Variants in HELZ observed in about 807,000 individuals in gnomAD.
HELZ encodes the protein helicase with zinc finger, also known as ATP-dependent RNA helicase with zinc finger domain.
Under a neutral mutation model 218.2 loss-of-function variants are expected in HELZ, and 23 were observed. That is an observed-to-expected ratio of 0.11 (90% CI 0.08 to 0.15). The LOEUF (loss-of-function observed/expected upper bound fraction) is 0.15, where lower values mean the gene tolerates loss of function less well. HELZ is among the 10% of genes least tolerant of loss of function. The probability of loss-of-function intolerance (pLI) is 1.00; values close to 1 mark genes in which losing one functional copy is unlikely to be tolerated. For synonymous variants in HELZ, 814 were observed against 829.4 expected, an observed-to-expected ratio of 0.98 and a Z score of 0.32; for missense variants, 1,813 against 2,353.7, an observed-to-expected ratio of 0.77 and a Z score of 4.75.
chr17:67,078,669 G>A, intron 32 of HELZ, 83 bp from the exon 33 acceptor site: 5 of 985,698 alleles, frequency 5.1e-6, no homozygotes, highest in Non-Finnish European at 7.0e-6. Context: ...TGTCAGAACT[G>A]GCTCTCATCT....
intron 32 of HELZ, 36 bp downstream of exon 32, chr17:67,086,793 A>C: frequency 6.2e-7 from 1 of 1,607,606 alleles, no homozygotes; most frequent in African/African-American, 1.3e-5. Flanking sequence ...GGAGCTGAGG[A>C]GTACAGATTA....
In HELZ at chr17:67,108,952, A is replaced by G. The variant is rs928739716; in HGVS notation, c.4489+164T>C. Among the ~76,000 whole-genome samples, 1 of 152,204 alleles carries G rather than the reference A, an allele frequency of 6.6e-6. No individual in the cohort carries two copies. The highest frequency in any genetic ancestry group is 2.4e-5 in the African/African-American group (1 of 41,452). ...ATGATCCTGACATCCACTGGATACT[A>G]TCATACAGCATTTAGAACTAGTTTC... On this transcript the variant is annotated intron_variant, in intron 29 of 32. Coordinates refer to ENST00000358691, the MANE Select transcript of HELZ (RefSeq NM_014877.4). The surrounding 1 kb of genome is among the most constrained non-coding windows in gnomAD (Gnocchi z 4.1).
At chr17:67,244,992 C>T in intron 1 of HELZ, 156 bp downstream of exon 1, 3 of 985,636 alleles carry the variant, frequency 3.0e-6, no homozygotes, top group South Asian at 4.7e-5. Flanking sequence ...CCGCGCTTCC[C>T]AGGCCCAGCC....
chr17:67,224,875 C>T, intron 3 of HELZ: 1 of 805,168 alleles, frequency 1.2e-6, no homozygotes, highest in Non-Finnish European at 2.2e-6. Flanking sequence ...CTATGGTGGG[C>T]AAACTAAGCC....
chr17:67,172,663 A>G (rs1567862599), intron 13 of HELZ, among the ~76,000 whole-genome samples: 1 of 152,142 alleles, frequency 6.6e-6, no homozygotes, highest in Non-Finnish European at 1.5e-5. Flanking sequence ...GCTGGAGTGC[A>G]GTAGCACAAT....
At chr17:67,186,131 T>C (rs1405538501) in intron 12 of HELZ, among the ~76,000 whole-genome samples, 1 of 150,770 alleles carries the variant, frequency 6.6e-6, no homozygotes, top group Non-Finnish European at 1.5e-5. Flanking sequence ...CGAGTCCTCA[T>C]TTTAAAAAAC....
At chr17:67,229,930 G>A (rs745651638) in intron 3 of HELZ, among the ~76,000 whole-genome samples, 17 of 152,162 alleles carry the variant, frequency 1.1e-4, no homozygotes, top group Admixed American at 2.6e-4. Context: ...ATCATCAACC[G>A]TGGTCTCTTT....
intron 3 of HELZ, among the ~76,000 whole-genome samples, chr17:67,221,123 C>T (rs2040734376): frequency 6.6e-6 from 1 of 152,154 alleles, no homozygotes; most frequent in African/African-American, 2.4e-5. Context: ...ATTACTAACT[C>T]ATGATATAGT....
chr17:67,086,631 A>AATATAAATATATATATATATAT (rs914625902), intron 32 of HELZ, among the ~76,000 whole-genome samples, 198 bp downstream of exon 32: 8 of 93,284 alleles, frequency 8.6e-5, no homozygotes, highest in African/African-American at 3.9e-4. Flanking sequence ...TATAAATATA[A>AATATAAATATATATATATATAT]ATATATATAT....
intron 13 of HELZ, among the ~76,000 whole-genome samples, chr17:67,174,526 T>C (rs1291820879): frequency 6.6e-6 from 1 of 152,154 alleles, no homozygotes; most frequent in Non-Finnish European, 1.5e-5. Context: ...TGGCCAGGCA[T>C]GGTAGCTCGC....
intron 3 of HELZ, among the ~76,000 whole-genome samples, chr17:67,233,821 CT>C (rs1324227177): frequency 3.3e-5 from 5 of 151,938 alleles, no homozygotes; most frequent in African/African-American, 1.2e-4. Context: ...ACAGCCTCAT[CT>C]CTGACTTGAG....
chr17:67,101,762 T>G (rs960290191), intron 31 of HELZ, among the ~76,000 whole-genome samples: 3 of 152,154 alleles, frequency 2.0e-5, no homozygotes, highest in African/African-American at 7.2e-5. Context: ...TGCAAAGAAT[T>G]TGGAAAGTGA....
intron 1 of HELZ, 61 bp from the exon 2 acceptor site, chr17:67,243,900 A>G: frequency 1.5e-6 from 1 of 670,590 alleles, no homozygotes; most frequent in Admixed American, 6.3e-5. Context: ...TCAGTAGCAA[A>G]CATTTTATCA....
intron 12 of HELZ, among the ~76,000 whole-genome samples, chr17:67,180,392 T>A (rs562035026): frequency 1.5e-4 from 23 of 152,236 alleles, no homozygotes; most frequent in Non-Finnish European, 3.2e-4. Context: ...TGGTCTGTTT[T>A]TGCAATAGCC....
At chr17:67,134,820 G>C in intron 23 of HELZ, among the ~76,000 whole-genome samples, 1 of 152,018 alleles carries the variant, frequency 6.6e-6, no homozygotes, top group East Asian at 1.9e-4. Context: ...ATATCAAAAA[G>C]AAATAATTAC....
At position 67,074,431 on chromosome 17, in the gene HELZ, G is replaced by C. The variant is rs914332372; in HGVS notation, c.*3821C>G. On this transcript the variant is annotated 3_prime_UTR_variant, in exon 33 of 33. Coordinates refer to ENST00000358691, the MANE Select transcript of HELZ (RefSeq NM_014877.4). ...TGTCTGTTTTTAAATGAGTATTTCA[G>C]TAAGTCTAATTTTCTTAATAACAAT... 3 of 152,216 alleles carry C rather than the reference G, an allele frequency of 2.0e-5. No homozygotes were observed. The highest frequency in any genetic ancestry group is 3.4e-3 in the Middle Eastern group (1 of 294). 9.4% of individuals were successfully genotyped at this position (152,216 alleles called of 1,614,324 possible). A position where few individuals can be genotyped will look rare whatever the true frequency, so the allele number is the denominator to read the frequency against.
At chr17:67,131,516 G>C (rs2037983689) in intron 23 of HELZ, among the ~76,000 whole-genome samples, 1 of 151,414 alleles carries the variant, frequency 6.6e-6, no homozygotes, top group African/African-American at 2.4e-5. Context: ...AGTTAAACTG[G>C]CTCCAAAAGT....
rs1035538556 is a variant in HELZ at position 67,077,255 on chromosome 17, T to C, written c.*997A>G. 1 of 152,552 alleles carries C rather than the reference T, an allele frequency of 6.6e-6. No homozygotes were observed. Among genetic ancestry groups the C allele is most frequent in the Non-Finnish European group, 1.5e-5 (1 of 68,006 alleles). 9.4% of individuals were successfully genotyped at this position (152,552 alleles called of 1,614,324 possible). ...TGAATTGCCACGTATAATGTCACAT[T>C]TTAATGTAAACATCAAATAAGGTAC... On this transcript the variant is annotated 3_prime_UTR_variant, in exon 33 of 33. Coordinates refer to ENST00000358691, the MANE Select transcript of HELZ (RefSeq NM_014877.4).
intron 23 of HELZ, among the ~76,000 whole-genome samples, chr17:67,129,310 A>G (rs1288336500): frequency 1.3e-5 from 2 of 151,976 alleles, no homozygotes; most frequent in East Asian, 1.9e-4. Flanking sequence ...TTATATACAT[A>G]CGCATATATA....
Sources: gnomAD v4.1 joint callset for allele counts (sites outside exome capture counted in the v4.1 genomes callset) on GRCh38, gnomAD v4.1.1 for gene constraint, Gnocchi (gnomAD v3.1) non-coding constraint, MANE v1.5 for transcripts, NCBI Gene and HGNC (gene_info 2026-07-23, HGNC 2026-07-21) for gene names.